Variants in TCF25 observed in about 807,000 individuals in gnomAD.
The protein encoded by TCF25 is ribosome quality control complex subunit TCF25.
TCF25 carries 41 observed loss-of-function variants against 83.1 expected under a neutral mutation model. That is an observed-to-expected ratio of 0.49 (90% CI 0.38 to 0.64). The LOEUF (loss-of-function observed/expected upper bound fraction) is 0.64, where lower values mean the gene tolerates loss of function less well. Ranked by LOEUF, TCF25 falls within the 30% of genes least tolerant of loss-of-function variation. The pLI, the probability that TCF25 is intolerant of heterozygous loss-of-function variation, is 0.00. For synonymous variants in TCF25, 458 were observed against 365.0 expected, an observed-to-expected ratio of 1.25 and a Z score of -2.90; for missense variants, 979 against 914.5, an observed-to-expected ratio of 1.07 and a Z score of -0.91.
chr16:89,892,233 C>T lies in TCF25; in HGVS notation c.655C>T (p.Leu219=). ...RQRVYPKCTW[L]TTPKSTWPRY... ...ACGTGTGTACCCCAAGTGCACATGG[C>T]TGACCACCCCTAAAAGCACCTGGCC... The change falls in exon 6 of 18, where the codon CTG becomes TTG. Residue 219 remains leucine (L), a synonymous_variant. Coordinates refer to ENST00000263346, the MANE Select transcript of TCF25 (RefSeq NM_014972.3). The T allele has an allele frequency of 1.2e-6, 2 of 1,613,106 alleles. No homozygotes were observed. Among genetic ancestry groups the T allele is most frequent in the Non-Finnish European group, 1.7e-6 (2 of 1,179,784 alleles).
intron 7 of TCF25, 116 bp downstream of exon 7, chr16:89,893,974 G>T: frequency 6.9e-7 from 1 of 1,455,906 alleles, no homozygotes; most frequent in Non-Finnish European, 9.2e-7. Context: ...CTTCCCAACA[G>T]GAAGGGTGCC....
At chr16:89,899,693 A>G (rs1017322457) in intron 11 of TCF25, among the ~76,000 whole-genome samples, 17 of 151,718 alleles carry the variant, frequency 1.1e-4, no homozygotes, top group Admixed American at 4.6e-4. Context: ...GCGCCATTGC[A>G]CTCCAGTCTG....
intron 5 of TCF25, among the ~76,000 whole-genome samples, chr16:89,888,503 C>T (rs1368098821): frequency 1.3e-5 from 2 of 150,664 alleles, no homozygotes; most frequent in African/African-American, 2.4e-5. Context: ...GCAGGAGAAT[C>T]GCTTGAAACC....
Position 89,877,526 on chromosome 16 carries a change from G to A in TCF25, c.192+3667G>A, listed in dbSNP as rs539581238. Among the ~76,000 whole-genome samples, 15 of 152,206 alleles carry A rather than the reference G, an allele frequency of 9.9e-5. No individual in the cohort carries two copies. The South Asian group carries it at 3.1e-3, about 32-fold the overall frequency. ...AAACGATGATTAGAACTTTATCATCGTAAATTTTAAATTAGAAAAGTGTTT... is the reference window on the plus strand; with the variant it reads ...AAACGATGATTAGAACTTTATCATCATAAATTTTAAATTAGAAAAGTGTTT... On this transcript the variant is annotated intron_variant, in intron 1 of 17. Coordinates refer to ENST00000263346, the MANE Select transcript of TCF25 (RefSeq NM_014972.3).
In TCF25 at chr16:89,873,645, AGACGTC is replaced by A; in HGVS notation, c.-21_-16del. The A allele has an allele frequency of 6.5e-7, 1 of 1,539,288 alleles. No homozygotes were observed. The highest frequency in any genetic ancestry group is 8.7e-7 in the Non-Finnish European group (1 of 1,148,696). On this transcript the variant is annotated 5_prime_UTR_variant, in exon 1 of 18. Transcript: ENST00000263346. ...TCTGCGCTTCCTTCTCCCTCTCTCC[AGACGTC>A]GTGGTCGTTCGGTCCTATGTCGCGC...
At chr16:89,886,321 G>A (rs930958716) in intron 4 of TCF25, among the ~76,000 whole-genome samples, 115 of 152,144 alleles carry the variant, frequency 7.6e-4, no homozygotes, top group African/African-American at 2.6e-3. Context: ...CCAGCTACTC[G>A]GGAGGCTGAG....
At chr16:89,907,190 A>G in intron 15 of TCF25, 53 bp from the exon 16 acceptor site, 1 of 1,562,946 alleles carries the variant, frequency 6.4e-7, no homozygotes, top group Admixed American at 1.7e-5. Flanking sequence ...TGGGAGAGGT[A>G]GAGGCCCCCT....
chr16:89,905,614 C>T (rs759394478), intron 14 of TCF25, among the ~76,000 whole-genome samples: 1 of 152,186 alleles, frequency 6.6e-6, no homozygotes, highest in Non-Finnish European at 1.5e-5. Flanking sequence ...GGCTCAGGAC[C>T]GCCTGGGAGT....
Position 89,906,261 on chromosome 16 carries a change from G to A in TCF25, c.1696G>A (p.Glu566Lys). Reference protein sequence around the residue: ...HRHVILSEIKEAVAALPPDVT... With the variant: ...HRHVILSEIKKAVAALPPDVT... ...CCATGTGATCCTCTCTGAGATCAAG[G>A]AAGCCGTCGCTGCCCTGCCCCCGGT... Residue 566 changes from glutamate (E) to lysine (K), a missense_variant, in exon 15 of 18, where the codon GAA (glutamate) becomes AAA (lysine). Physicochemically the swap from Glu to Lys is moderately conservative, Grantham distance 56. Transcript: ENST00000263346. The A allele has an allele frequency of 6.2e-7, 1 of 1,613,244 alleles. No homozygotes were observed. Among genetic ancestry groups the A allele is most frequent in the Non-Finnish European group, 8.5e-7 (1 of 1,179,978 alleles).
chr16:89,892,997 T>C (rs1207229557), intron 6 of TCF25, among the ~76,000 whole-genome samples: 1 of 152,230 alleles, frequency 6.6e-6, no homozygotes, highest in Non-Finnish European at 1.5e-5. Flanking sequence ...AGGACACATC[T>C]AGGAGCGAGG....
chr16:89,888,192 G>C (rs1466605007), intron 5 of TCF25, among the ~76,000 whole-genome samples: 1 of 152,120 alleles, frequency 6.6e-6, no homozygotes, highest in Non-Finnish European at 1.5e-5. Flanking sequence ...CTTGAACCCA[G>C]GAGGCAGAGG....
chr16:89,892,731 G>C (rs1159298653), intron 6 of TCF25, among the ~76,000 whole-genome samples: 1 of 152,254 alleles, frequency 6.6e-6, no homozygotes, highest in Non-Finnish European at 1.5e-5. Context: ...AGTGAAGACA[G>C]GCATGGAGTG....
chr16:89,906,358 C>T (rs45590735), intron 15 of TCF25, 74 bp downstream of exon 15: 73,143 of 1,472,074 alleles, frequency 0.05, 2,268 homozygotes, highest in Middle Eastern at 0.16. Context: ...CCGGGCGGTC[C>T]ACATGCAGGC....
chr16:89,886,110 T>A, intron 4 of TCF25, 144 bp downstream of exon 4: 1 of 640,386 alleles, frequency 1.6e-6, no homozygotes, highest in Middle Eastern at 2.4e-4. Flanking sequence ...AAAAATAAAA[T>A]GTACTGTCTT....
chr16:89,904,493 C>T (rs2044610255), intron 13 of TCF25: 31 of 515,698 alleles, frequency 6.0e-5, no homozygotes, highest in South Asian at 5.0e-4. Context: ...TTTGGGAGGC[C>T]GGCTTGTGCC....
chr16:89,894,794 G>A (rs1195072791), intron 7 of TCF25, among the ~76,000 whole-genome samples: 6 of 152,130 alleles, frequency 3.9e-5, no homozygotes, highest in Non-Finnish European at 5.9e-5. Flanking sequence ...ACAGGCACAC[G>A]CCACCACACC....
chr16:89,906,140 A>G, intron 14 of TCF25, 54 bp from the exon 15 acceptor site: 4 of 1,514,308 alleles, frequency 2.6e-6, no homozygotes, highest in Non-Finnish European at 3.6e-6. Context: ...CATGGCGGTT[A>G]CCATTTCATT....
At chr16:89,905,124 C>A in intron 14 of TCF25, 28 bp downstream of exon 14, 1 of 1,543,194 alleles carries the variant, frequency 6.5e-7, no homozygotes, top group African/African-American at 1.4e-5. Context: ...ACAAGCCCTG[C>A]CACGCCCCCT....
At chr16:89,896,129 C>G in intron 9 of TCF25, 46 bp downstream of exon 9, 2 of 1,582,656 alleles carry the variant, frequency 1.3e-6, no homozygotes, top group Non-Finnish European at 1.7e-6. Context: ...CTTCCCTTCT[C>G]CTGCGAGTGA....
Sources: allele counts gnomAD v4.1 joint callset (sites outside exome capture counted in the v4.1 genomes callset), GRCh38; gene constraint gnomAD v4.1.1; transcripts MANE v1.5; gene names NCBI Gene and HGNC (gene_info 2026-07-23, HGNC 2026-07-21).